Variants in DERA observed in about 807,000 individuals in gnomAD.
DERA encodes deoxyribose-phosphate aldolase, also known as 2-deoxy-D-ribose 5-phosphate aldolase.
A neutral mutation model predicts 41.1 loss-of-function variants in DERA; 15 were observed. That is an observed-to-expected ratio of 0.37 (90% CI 0.24 to 0.56). The LOEUF is 0.56. DERA is among the 20% of genes least tolerant of loss of function. DERA has a pLI of 0.81. For missense variants in DERA, 396 were observed against 403.4 expected (o/e 0.98, Z 0.16); for synonymous variants, 139 against 137.4 (o/e 1.01, Z -0.08).
In DERA at chr12:16,014,755, C is replaced by T. The variant is rs543184357; in HGVS notation, c.638-17787C>T. 3.2e-3 allele frequency among the ~76,000 whole-genome samples: 493 copies of T among 152,242 alleles called. 4 individuals are homozygous for T. Among genetic ancestry groups the T allele is most frequent in the African/African-American group, 0.011 (458 of 41,538 alleles). ...TGGTAGATCCACCAACAGCTTGCAC[C>T]GTGGGCTTGGAAAAGCCACAGACAC... On this transcript the variant is annotated intron_variant, in intron 6 of 8. Coordinates refer to ENST00000428559, the MANE Select transcript of DERA (RefSeq NM_015954.4). This position sits in a 1 kb window ranked among gnomAD's most constrained non-coding sequence, Gnocchi z 5.4.
intron 6 of DERA, among the ~76,000 whole-genome samples, chr12:16,018,384 A>G (rs558176562): frequency 2.0e-5 from 3 of 152,066 alleles, no homozygotes; most frequent in Non-Finnish European, 2.9e-5. Context: ...TGTAATTAAG[A>G]CTCCCTGTAA....
At position 15,936,841 on chromosome 12, in the gene DERA, C is replaced by CTGTCTTGTGTTGTCT. The variant is rs1450024451; in HGVS notation, c.32-20086_32-20072dup. On this transcript the variant is annotated intron_variant, in intron 1 of 8. Transcript: ENST00000428559. The surrounding 1 kb of genome is among the most constrained non-coding windows in gnomAD (Gnocchi z 4.6). Reference sequence around the variant, plus strand: ...GTCATTTAACTTATTTCTGCATCTTCTGTCTTGTGTTGTCTTGTCTTGTCT... The same window carrying CTGTCTTGTGTTGTCT: ...GTCATTTAACTTATTTCTGCATCTTCTGTCTTGTGTTGTCTTGTCTTGTGTTGTCTTGTCTTGTCT... Among the ~76,000 whole-genome samples the CTGTCTTGTGTTGTCT allele has an allele frequency of 3.6e-5, 5 of 138,418 alleles. No individual in the cohort carries two copies. The highest frequency in any genetic ancestry group is 7.1e-5 in the Admixed American group (1 of 14,108). The allele number at this position is 138,418 out of a possible 152,430, so 90.8% of individuals were successfully genotyped here.
chr12:15,950,429 G>A (rs942780740), intron 1 of DERA, among the ~76,000 whole-genome samples: 8 of 152,122 alleles, frequency 5.3e-5, no homozygotes, highest in Admixed American at 1.3e-4. Context: ...GGTTTTGGTG[G>A]GTTTTAGCTG....
chr12:15,977,453 T>C (rs1338851139), intron 5 of DERA, among the ~76,000 whole-genome samples: 5 of 152,166 alleles, frequency 3.3e-5, no homozygotes, highest in African/African-American at 1.2e-4. Flanking sequence ...CATCTCACTT[T>C]TCTTTCTTTC....
At chr12:15,927,524 T>G (rs1225699373) in intron 1 of DERA, among the ~76,000 whole-genome samples, 1 of 152,134 alleles carries the variant, frequency 6.6e-6, no homozygotes, top group African/African-American at 2.4e-5. Flanking sequence ...AATATTTGCT[T>G]AAAAAGTTAG....
In DERA at chr12:15,993,530, G is replaced by A. The variant is rs896648852; in HGVS notation, c.637+11094G>A. 2.0e-5 allele frequency among the ~76,000 whole-genome samples: 3 copies of A among 149,346 alleles called. No individual in the cohort carries two copies. Among genetic ancestry groups the A allele is most frequent in the East Asian group, 3.9e-4 (2 of 5,088 alleles). ...AAGATCTTGCCTTTCATAGGAAAAA[G>A]CATTTAATTTATGAAAAGGTATGCT... On this transcript the variant is annotated intron_variant, in intron 6 of 8. Transcript: ENST00000428559. This position sits in a 1 kb window ranked among gnomAD's most constrained non-coding sequence, Gnocchi z 4.4.
intron 1 of DERA, among the ~76,000 whole-genome samples, chr12:15,945,565 C>T (rs1373802459): frequency 1.3e-5 from 2 of 152,102 alleles, no homozygotes; most frequent in Admixed American, 1.3e-4. Flanking sequence ...GTGATTTTTG[C>T]ACATTGATTT....
chr12:15,911,574 A>C lies in DERA; in HGVS notation c.31+160A>C. 1 of 770,784 alleles carries C rather than the reference A, an allele frequency of 1.3e-6. No homozygotes were observed. The highest frequency in any genetic ancestry group is 2.2e-6 in the Non-Finnish European group (1 of 459,928). The allele number at this position is 770,784 out of a possible 1,614,324, so 47.7% of individuals were successfully genotyped here. On this transcript the variant is annotated intron_variant, in intron 1 of 8. Transcript: ENST00000428559. This position sits in a 1 kb window ranked among gnomAD's most constrained non-coding sequence, Gnocchi z 4.5. Reference sequence around the variant, plus strand: ...GTCTGGTCAGCCCTCACCCCAAGTAAAGGCCGAACCCGGCACGTTCGCGCC... The same window carrying C: ...GTCTGGTCAGCCCTCACCCCAAGTACAGGCCGAACCCGGCACGTTCGCGCC...
chr12:16,002,090 C>T (rs966114953), intron 6 of DERA, among the ~76,000 whole-genome samples: 8 of 151,266 alleles, frequency 5.3e-5, no homozygotes, highest in East Asian at 1.9e-4. Flanking sequence ...CCCATTAACT[C>T]GTCATTTAAC....
chr12:16,024,559 A>G (rs780356126), intron 6 of DERA, among the ~76,000 whole-genome samples: 2 of 152,170 alleles, frequency 1.3e-5, no homozygotes, highest in Admixed American at 1.3e-4. Flanking sequence ...CAATGAAGCT[A>G]TTTTTCTAAA....
Position 16,013,618 on chromosome 12 carries a change from A to T in DERA, c.638-18924A>T. ...GTCTCAGGCAGTTCTTCATAGCATTATGAACATGGATTAATACAGTAAATT... is the reference window on the plus strand; with the variant it reads ...GTCTCAGGCAGTTCTTCATAGCATTTTGAACATGGATTAATACAGTAAATT... On this transcript the variant is annotated intron_variant, in intron 6 of 8. Coordinates refer to ENST00000428559, the MANE Select transcript of DERA (RefSeq NM_015954.4). The surrounding 1 kb of genome is among the most constrained non-coding windows in gnomAD (Gnocchi z 5.8). 6.6e-6 allele frequency among the ~76,000 whole-genome samples: 1 copy of T among 152,212 alleles called. No individual in the cohort carries two copies. Among genetic ancestry groups the T allele is most frequent in the East Asian group, 1.9e-4 (1 of 5,194 alleles).
intron 1 of DERA, among the ~76,000 whole-genome samples, chr12:15,926,593 G>A (rs1001830160): frequency 2.6e-5 from 4 of 151,970 alleles, no homozygotes; most frequent in African/African-American, 4.8e-5. Flanking sequence ...AAAATTAGCC[G>A]GGCGTGGTGG....
Position 15,934,127 on chromosome 12 carries a change from G to A in DERA, c.31+22713G>A, listed in dbSNP as rs550046489. On this transcript the variant is annotated intron_variant, in intron 1 of 8. Transcript: ENST00000428559. Reference sequence around the variant, plus strand: ...GTTTTCAACTGTGAATCCAGTAATGGCCCATATCACAGAACCAGAACCTAG... The same window carrying A: ...GTTTTCAACTGTGAATCCAGTAATGACCCATATCACAGAACCAGAACCTAG... Among the ~76,000 whole-genome samples the A allele has an allele frequency of 2.9e-4, 44 of 152,208 alleles. 1 individual carries two copies. In the Middle Eastern group the frequency reaches 0.01, roughly 35 times the overall value.
chr12:16,007,954 G>A (rs1451741915), intron 6 of DERA, among the ~76,000 whole-genome samples: 3 of 152,086 alleles, frequency 2.0e-5, no homozygotes, highest in African/African-American at 4.8e-5. Context: ...GTGTTCAAGC[G>A]ATTCTCATGC....
Position 16,014,514 on chromosome 12 carries a change from T to G in DERA, c.638-18028T>G, listed in dbSNP as rs1300594085. On this transcript the variant is annotated intron_variant, in intron 6 of 8. Transcript: ENST00000428559. The surrounding 1 kb of genome is among the most constrained non-coding windows in gnomAD (Gnocchi z 5.4). Reference sequence around the variant, plus strand: ...CCTGCAGGTGCACAGAAGTCAAGAATTGAGGTTTGGAAACCACCACCTAGG... The same window carrying G: ...CCTGCAGGTGCACAGAAGTCAAGAAGTGAGGTTTGGAAACCACCACCTAGG... Among the ~76,000 whole-genome samples the G allele has an allele frequency of 6.6e-6, 1 of 152,220 alleles. No homozygotes were observed. Among genetic ancestry groups the G allele is most frequent in the African/African-American group, 2.4e-5 (1 of 41,468 alleles).
intron 6 of DERA, among the ~76,000 whole-genome samples, chr12:16,016,358 G>A (rs901880598): frequency 6.6e-6 from 1 of 152,116 alleles, no homozygotes; most frequent in African/African-American, 2.4e-5. Flanking sequence ...ACCCATATTT[G>A]AATTGTTCTC....
chr12:15,955,254 G>T (rs376058383), intron 1 of DERA, among the ~76,000 whole-genome samples: 9 of 151,370 alleles, frequency 5.9e-5, no homozygotes, highest in African/African-American at 2.2e-4. Flanking sequence ...AGCCAAGATC[G>T]TACCACTGCA....
At chr12:15,930,662 T>C (rs1258374541) in intron 1 of DERA, among the ~76,000 whole-genome samples, 3 of 152,198 alleles carry the variant, frequency 2.0e-5, no homozygotes, top group African/African-American at 4.8e-5. Flanking sequence ...ATTACTGTTA[T>C]AATTCTCAGT....
chr12:15,949,268 T>C (rs1170119170), intron 1 of DERA, among the ~76,000 whole-genome samples: 1 of 152,166 alleles, frequency 6.6e-6, no homozygotes, highest in Non-Finnish European at 1.5e-5. Flanking sequence ...TTCTGCTGCC[T>C]TTTGTTTGGC....
Sources: allele counts gnomAD v4.1 joint callset (sites outside exome capture counted in the v4.1 genomes callset), GRCh38; gene constraint gnomAD v4.1.1; non-coding constraint Gnocchi (gnomAD v3.1); transcripts MANE v1.5; gene names NCBI Gene and HGNC (gene_info 2026-07-23, HGNC 2026-07-21).